ASIC2: variants seen among roughly 807,000 people sequenced by gnomAD.
The protein encoded by ASIC2 is acid sensing ion channel subunit 2.
Under a neutral mutation model 57.3 loss-of-function variants are expected in ASIC2, and 25 were observed. The observed-to-expected ratio is 0.44, with a 90% confidence interval of 0.32 to 0.61. The LOEUF (loss-of-function observed/expected upper bound fraction) is 0.61. Among genes scored for constraint, ASIC2 ranks in the 20% least tolerant of loss-of-function variants. ASIC2 has a pLI of 0.06. For synonymous variants in ASIC2, 319 were observed against 307.5 expected, an observed-to-expected ratio of 1.04 and a Z score of -0.39; for missense variants, 641 against 738.1, an observed-to-expected ratio of 0.87 and a Z score of 1.52.
At chr17:34,015,919 A>G (rs779327070) in intron 1 of ASIC2, among the ~76,000 whole-genome samples, 2 of 152,242 alleles carry the variant, frequency 1.3e-5, no homozygotes, top group Admixed American at 6.5e-5. Context: ...CGTGCCTACC[A>G]TGAGGCTCAT....
At chr17:33,249,737 C>A (rs936464203) in intron 1 of ASIC2, among the ~76,000 whole-genome samples, 1 of 152,188 alleles carries the variant, frequency 6.6e-6, no homozygotes, top group African/African-American at 2.4e-5. Flanking sequence ...GCTCCCAGGC[C>A]CCAAAGCATA....
At chr17:34,086,201 C>T (rs1910106996) in intron 1 of ASIC2, among the ~76,000 whole-genome samples, 1 of 148,968 alleles carries the variant, frequency 6.7e-6, no homozygotes, top group Non-Finnish European at 1.5e-5. Flanking sequence ...CCTCTACACA[C>T]TGCTTTGAAT....
chr17:33,264,408 C>T (rs778235903), intron 1 of ASIC2, among the ~76,000 whole-genome samples: 13 of 152,236 alleles, frequency 8.5e-5, no homozygotes, highest in Non-Finnish European at 1.3e-4. Context: ...TGACTATTCT[C>T]ATTTTACAGA....
chr17:33,410,264 A>G (rs995911050), intron 1 of ASIC2, among the ~76,000 whole-genome samples: 8 of 152,192 alleles, frequency 5.3e-5, no homozygotes, highest in Admixed American at 5.2e-4. Flanking sequence ...GCCCCGGAAC[A>G]TGCTGCTCTG....
chr17:34,120,739 CTTTT>C (rs869228239), intron 1 of ASIC2, among the ~76,000 whole-genome samples: 2,526 of 69,888 alleles, frequency 0.036, 95 homozygotes, highest in African/African-American at 0.13. Flanking sequence ...TTTTTTTTTT[CTTTT>C]TTTTTTTTTT....
chr17:33,887,142 C>T (rs1197093342), intron 1 of ASIC2, among the ~76,000 whole-genome samples: 1 of 152,120 alleles, frequency 6.6e-6, no homozygotes, highest in African/African-American at 2.4e-5. Flanking sequence ...CTGCCAAAAG[C>T]CCATGACCTT....
At chr17:33,962,098 T>G (rs1228828922) in intron 1 of ASIC2, among the ~76,000 whole-genome samples, 2 of 152,148 alleles carry the variant, frequency 1.3e-5, no homozygotes, top group Non-Finnish European at 2.9e-5. Flanking sequence ...CACCCCAGAA[T>G]GCAAGCCCAT....
intron 1 of ASIC2, among the ~76,000 whole-genome samples, chr17:33,393,801 A>T (rs916832359): frequency 6.6e-6 from 1 of 152,200 alleles, no homozygotes; most frequent in African/African-American, 2.4e-5. Flanking sequence ...CTCATCATCC[A>T]TGATGTCTAA....
At chr17:33,597,709 T>C (rs951035169) in intron 1 of ASIC2, among the ~76,000 whole-genome samples, 2 of 152,186 alleles carry the variant, frequency 1.3e-5, no homozygotes, top group African/African-American at 4.8e-5. Flanking sequence ...GAGTCACGTT[T>C]CCCAACCCCT....
intron 1 of ASIC2, among the ~76,000 whole-genome samples, chr17:33,643,321 C>T (rs755312883): frequency 1.3e-5 from 2 of 152,148 alleles, no homozygotes; most frequent in Non-Finnish European, 2.9e-5. Context: ...CTTAAAAATA[C>T]TTTTTATAAA....
chr17:33,769,170 G>A (rs1211974206), intron 1 of ASIC2, among the ~76,000 whole-genome samples: 4 of 152,206 alleles, frequency 2.6e-5, no homozygotes, highest in Non-Finnish European at 5.9e-5. Flanking sequence ...GGGACCAGGG[G>A]CCAACTGAGC....
intron 1 of ASIC2, among the ~76,000 whole-genome samples, chr17:33,164,014 G>A (rs1368945395): frequency 6.6e-6 from 1 of 152,216 alleles, no homozygotes; most frequent in Non-Finnish European, 1.5e-5. Flanking sequence ...GGGAAAATGA[G>A]AGCTCTGAGA....
chr17:33,942,334 T>C (rs1916210858), intron 1 of ASIC2, among the ~76,000 whole-genome samples: 1 of 152,158 alleles, frequency 6.6e-6, no homozygotes, highest in Non-Finnish European at 1.5e-5. Flanking sequence ...AGTAGGGATG[T>C]GCCCTCTATC....
intron 1 of ASIC2, among the ~76,000 whole-genome samples, chr17:33,372,623 G>A (rs912094104): frequency 2.6e-5 from 4 of 152,076 alleles, no homozygotes; most frequent in Non-Finnish European, 5.9e-5. Context: ...GCTCTGTAAT[G>A]TTACTCTCCC....
intron 3 of ASIC2, among the ~76,000 whole-genome samples, chr17:33,075,804 A>G (rs1244228768): frequency 6.6e-6 from 1 of 152,182 alleles, no homozygotes; most frequent in East Asian, 1.9e-4. Flanking sequence ...AGCAAAAGGC[A>G]TGGAAGTGAA....
intron 1 of ASIC2, among the ~76,000 whole-genome samples, chr17:33,667,564 A>T (rs927155493): frequency 1.3e-5 from 2 of 152,334 alleles, no homozygotes; most frequent in Admixed American, 1.3e-4. Flanking sequence ...CTTCCGAACC[A>T]GACAGCTTGG....
At chr17:33,607,911 C>A (rs540506304) in intron 1 of ASIC2, among the ~76,000 whole-genome samples, 1 of 152,274 alleles carries the variant, frequency 6.6e-6, no homozygotes, top group Non-Finnish European at 1.5e-5. Flanking sequence ...GTTTAAGCTG[C>A]AGATAGGAAG....
intron 1 of ASIC2, among the ~76,000 whole-genome samples, chr17:34,137,023 A>G (rs1341750902): frequency 6.6e-6 from 1 of 152,206 alleles, no homozygotes; most frequent in African/African-American, 2.4e-5. Flanking sequence ...CAGAGCTAAA[A>G]TGCTACCTTT....
At chr17:33,738,703 G>A (rs905398017) in intron 1 of ASIC2, among the ~76,000 whole-genome samples, 7 of 152,158 alleles carry the variant, frequency 4.6e-5, no homozygotes, top group African/African-American at 1.7e-4. Context: ...CTCCTAGGGT[G>A]GGGACGTATA....
Sources: allele counts gnomAD v4.1 joint callset (sites outside exome capture counted in the v4.1 genomes callset), GRCh38; gene constraint gnomAD v4.1.1; transcripts MANE v1.5; gene names NCBI Gene and HGNC (gene_info 2026-07-23, HGNC 2026-07-21).